The following LRMDA variants were observed in gnomAD, a reference collection of about 807,000 sequenced individuals.
The protein encoded by LRMDA is leucine rich melanocyte differentiation associated.
In LRMDA, 18 loss-of-function variants were observed where a neutral mutation model predicts 29.8. That is an observed-to-expected ratio of 0.60 (90% CI 0.42 to 0.90). The LOEUF (loss-of-function observed/expected upper bound fraction) is 0.90, where lower values mean the gene tolerates loss of function less well. Ranked by LOEUF, LRMDA falls within the 40% of genes least tolerant of loss-of-function variation. LRMDA has a pLI of 0.00. For missense variants in LRMDA, 273 were observed against 273.9 expected, an observed-to-expected ratio of 1.00 and a Z score of 0.02; for synonymous variants, 125 against 109.4, an observed-to-expected ratio of 1.14 and a Z score of -0.89.
chr10:75,680,505 A>G (rs967067357), intron 2 of LRMDA, among the ~76,000 whole-genome samples: 7 of 152,150 alleles, frequency 4.6e-5, no homozygotes, highest in Non-Finnish European at 7.3e-5. Flanking sequence ...ATATATATAT[A>G]TATTTCTCTT....
intron 2 of LRMDA, among the ~76,000 whole-genome samples, chr10:75,727,209 T>C (rs1356280725): frequency 6.6e-6 from 1 of 152,204 alleles, no homozygotes; most frequent in Non-Finnish European, 1.5e-5. Flanking sequence ...TCTGCGGTGA[T>C]GCTGTGTGCA....
At chr10:75,977,426 C>T (rs1847092480) in intron 2 of LRMDA, among the ~76,000 whole-genome samples, 1 of 152,196 alleles carries the variant, frequency 6.6e-6, no homozygotes. Context: ...TTGGGGGCCA[C>T]ACGTCCCCCT....
chr10:76,003,220 C>G (rs530174559), intron 2 of LRMDA, among the ~76,000 whole-genome samples: 2 of 152,118 alleles, frequency 1.3e-5, no homozygotes, highest in Non-Finnish European at 2.9e-5. Context: ...CCTGAGTACT[C>G]CACCATTAGA....
chr10:75,478,076 TA>T (rs1844816504), intron 2 of LRMDA, among the ~76,000 whole-genome samples: 2 of 152,252 alleles, frequency 1.3e-5, no homozygotes, highest in Admixed American at 1.3e-4. Flanking sequence ...GTGCCTCATT[TA>T]GACCATTGCT....
At chr10:75,707,899 G>A (rs891078994) in intron 2 of LRMDA, among the ~76,000 whole-genome samples, 25 of 151,986 alleles carry the variant, frequency 1.6e-4, no homozygotes, top group Admixed American at 8.5e-4. Flanking sequence ...ACATTCATTC[G>A]GCCACTTTGC....
At chr10:75,723,455 A>G (rs940572467) in intron 2 of LRMDA, among the ~76,000 whole-genome samples, 2 of 152,332 alleles carry the variant, frequency 1.3e-5, no homozygotes, top group East Asian at 1.9e-4. Context: ...CACAAACATT[A>G]TGTATTGTCA....
intron 5 of LRMDA, among the ~76,000 whole-genome samples, chr10:76,247,456 C>G (rs1439939654): frequency 6.6e-6 from 1 of 152,156 alleles, no homozygotes; most frequent in Non-Finnish European, 1.5e-5. Flanking sequence ...CTGTGACAAC[C>G]AAACACATTT....
At chr10:75,960,508 A>G (rs1005454371) in intron 2 of LRMDA, among the ~76,000 whole-genome samples, 4 of 152,242 alleles carry the variant, frequency 2.6e-5, no homozygotes, top group Non-Finnish European at 5.9e-5. Context: ...CAGAAAAGGG[A>G]GAAAACTTTA....
chr10:76,305,298 C>T (rs1018072847), intron 5 of LRMDA, among the ~76,000 whole-genome samples: 16 of 152,226 alleles, frequency 1.1e-4, no homozygotes, highest in African/African-American at 3.9e-4. Context: ...ATAATTGGTA[C>T]AAAAGACAGT....
chr10:76,103,808 T>C lies in LRMDA; in HGVS notation c.516+45025T>C, dbSNP rs185475347. 2.1e-3 allele frequency among the ~76,000 whole-genome samples: 317 copies of C among 152,234 alleles called. 6 individuals carry two copies. Among genetic ancestry groups the C allele is most frequent in the South Asian group, 4.4e-3 (21 of 4,808 alleles). On this transcript the variant is annotated intron_variant, in intron 5 of 6. Transcript: ENST00000611255. Reference sequence around the variant, plus strand: ...GCTCACGCCTGTAATCCCAGCACTTTGGGAGGCTGAGGCGGGTGGATCACG... The same window carrying C: ...GCTCACGCCTGTAATCCCAGCACTTCGGGAGGCTGAGGCGGGTGGATCACG...
At chr10:75,783,623 G>A (rs1255007543) in intron 2 of LRMDA, among the ~76,000 whole-genome samples, 1 of 152,056 alleles carries the variant, frequency 6.6e-6, no homozygotes, top group African/African-American at 2.4e-5. Context: ...TCCCTCCAAA[G>A]TGAGTCTCCT....
chr10:76,554,637 A>G (rs751648332), intron 6 of LRMDA, among the ~76,000 whole-genome samples: 3 of 152,190 alleles, frequency 2.0e-5, no homozygotes, highest in Non-Finnish European at 4.4e-5. Context: ...GGCCTTAAAA[A>G]GGACTTTTAT....
At chr10:75,935,677 TC>T (rs1846277675) in intron 2 of LRMDA, among the ~76,000 whole-genome samples, 1 of 152,068 alleles carries the variant, frequency 6.6e-6, no homozygotes, top group Non-Finnish European at 1.5e-5. Flanking sequence ...AGATGAGGGT[TC>T]AGGTTAAAAG....
chr10:75,763,387 G>A (rs534888744), intron 2 of LRMDA, among the ~76,000 whole-genome samples: 1 of 152,098 alleles, frequency 6.6e-6, no homozygotes, highest in African/African-American at 2.4e-5. Context: ...AAAAAACCTA[G>A]TCTTTGCAAC....
chr10:75,814,376 T>A (rs1020735960), intron 2 of LRMDA, among the ~76,000 whole-genome samples: 1 of 152,218 alleles, frequency 6.6e-6, no homozygotes, highest in Non-Finnish European at 1.5e-5. Flanking sequence ...GCTGTCTGAA[T>A]GTTCCTTTCT....
At chr10:75,723,435 C>T (rs1276960266) in intron 2 of LRMDA, among the ~76,000 whole-genome samples, 5 of 152,194 alleles carry the variant, frequency 3.3e-5, no homozygotes, top group South Asian at 2.1e-4. Flanking sequence ...TGAAAGACAT[C>T]GTGATCCCAC....
chr10:76,454,695 TC>T (rs1842440139), intron 6 of LRMDA, among the ~76,000 whole-genome samples: 1 of 151,276 alleles, frequency 6.6e-6, no homozygotes, highest in African/African-American at 2.4e-5. Context: ...ATGTGTGGAT[TC>T]CCCTGTTGTG....
chr10:76,190,195 A>G (rs1851220313), intron 5 of LRMDA, among the ~76,000 whole-genome samples: 1 of 152,164 alleles, frequency 6.6e-6, no homozygotes, highest in South Asian at 2.1e-4. Context: ...TGGATTAAGT[A>G]ATTAAACAAT....
At chr10:75,599,148 CGG>C (rs1840847504) in intron 2 of LRMDA, among the ~76,000 whole-genome samples, 2 of 146,048 alleles carry the variant, frequency 1.4e-5, no homozygotes, top group African/African-American at 5.6e-5. Flanking sequence ...CTGGCGTTCA[CGG>C]CCTCTGAGCC....
Sources: allele counts gnomAD v4.1 joint callset (sites outside exome capture counted in the v4.1 genomes callset), GRCh38; gene constraint gnomAD v4.1.1; transcripts MANE v1.5; gene names NCBI Gene and HGNC (gene_info 2026-07-23, HGNC 2026-07-21).